Variants in RBBP9 observed in about 807,000 individuals in gnomAD.
The protein encoded by RBBP9 is serine hydrolase RBBP9.
RBBP9 carries 20 observed loss-of-function variants against 24.2 expected under a neutral mutation model. The observed-to-expected ratio is 0.83, with a 90% confidence interval of 0.58 to 1.20. The LOEUF (loss-of-function observed/expected upper bound fraction) is 1.20, where lower values mean the gene tolerates loss of function less well. Ranked by LOEUF, RBBP9 falls within the 50% of genes most tolerant of loss-of-function variation. The pLI, the probability that RBBP9 is intolerant of heterozygous loss-of-function variation, is 0.00. For synonymous variants in RBBP9, 74 were observed against 84.6 expected, an observed-to-expected ratio of 0.87 and a Z score of 0.69; for missense variants, 234 against 233.6, an observed-to-expected ratio of 1.00 and a Z score of -0.01.
In RBBP9 at chr20:18,489,609, G is replaced by A. The variant is rs147510546; in HGVS notation, c.*155C>T. ...GTTTTAGAGTCTATGGAAAATGGAAGTGCTATTTGTAACTTAGATTGAATG... is the reference window on the plus strand; with the variant it reads ...GTTTTAGAGTCTATGGAAAATGGAAATGCTATTTGTAACTTAGATTGAATG... On this transcript the variant is annotated 3_prime_UTR_variant, in exon 5 of 5. Transcript: ENST00000337227. The A allele has an allele frequency of 1.9e-3, 1,122 of 583,262 alleles. 14 individuals are homozygous for A. The Admixed American group carries it at 0.025, about 13-fold the overall frequency. 36.1% of individuals were successfully genotyped at this position (583,262 alleles called of 1,614,324 possible). A position where few individuals can be genotyped will look rare whatever the true frequency, so the allele number is the denominator to read the frequency against.
chr20:18,486,859 C>G lies in RBBP9; in HGVS notation c.*2905G>C, dbSNP rs142018116. ...AGAATCAAACAGAAATCAGAAATGA[C>G]AGTCCATGGCTCTATGGTTTTTAAT... On this transcript the variant is annotated 3_prime_UTR_variant, in exon 5 of 5. Transcript: ENST00000337227. 1 of 152,146 alleles carries G rather than the reference C, an allele frequency of 6.6e-6. No individual in the cohort carries two copies. The highest frequency in any genetic ancestry group is 1.9e-4 in the East Asian group (1 of 5,204). 9.4% of individuals were successfully genotyped at this position (152,146 alleles called of 1,614,324 possible). A position where few individuals can be genotyped will look rare whatever the true frequency, so the allele number is the denominator to read the frequency against.
rs552767796 is a variant in RBBP9, at chr20:18,490,080, C to T, written c.335-90G>A. 211 of 896,442 alleles carry T rather than the reference C, an allele frequency of 2.4e-4. 1 individual carries two copies. The South Asian group carries it at 2.9e-3, about 13-fold the overall frequency. The allele number at this position is 896,442 out of a possible 1,614,324, so 55.5% of individuals were successfully genotyped here. A position where few individuals can be genotyped will look rare whatever the true frequency, so the allele number is the denominator to read the frequency against. ...TACCTACTGGCGACCCACATAGAGA[C>T]GCAAAGGAGCAGAGCCTCCGTGTGA... is the stretch of plus-strand genomic sequence containing the variant. On this transcript the variant is annotated intron_variant, in intron 4 of 4. Transcript: ENST00000337227.
chr20:18,494,164 A>C, intron 2 of RBBP9, 101 bp from the exon 3 acceptor site: 1 of 835,198 alleles, frequency 1.2e-6, no homozygotes. Context: ...GCAGTTCACA[A>C]CTTTTAAAAC....
Position 18,494,060 on chromosome 20 carries a change from G to A in RBBP9, c.146C>T (p.Thr49Ile), listed in dbSNP as rs376756380. 1.9e-6 allele frequency: 3 copies of A among 1,612,446 alleles called. No individual in the cohort carries two copies. The highest frequency in any genetic ancestry group is 2.5e-6 in the Non-Finnish European group (3 of 1,178,970). Residue 49 changes from threonine to isoleucine, a missense_variant, in exon 3 of 5, where the codon ACA (threonine) becomes ATA (isoleucine). By Grantham distance (89) the Thr-to-Ile change is moderately conservative. Coordinates refer to ENST00000337227, the MANE Select transcript of RBBP9 (RefSeq NM_006606.3). ...GGGCAGCCAGATGCTCTCTCGTGCT[G>A]TAACTTAAGGTTCAGGGTAAAGAAA... ...CLAKNMPDPI[T>I]ARESIWLPFM...
chr20:18,488,673 GA>G lies in RBBP9; in HGVS notation c.*1090del. 1 of 152,346 alleles carries G rather than the reference GA, an allele frequency of 6.6e-6. No individual in the cohort carries two copies. The highest frequency in any genetic ancestry group is 1.9e-4 in the East Asian group (1 of 5,192). 9.4% of individuals were successfully genotyped at this position (152,346 alleles called of 1,614,324 possible). A position where few individuals can be genotyped will look rare whatever the true frequency, so the allele number is the denominator to read the frequency against. ...GGTTTAACTCTATAGAACAGAACAC[GA>G]AGTATGGAAAGGTTCTTTTTAAAAA... On this transcript the variant is annotated 3_prime_UTR_variant, in exon 5 of 5. Coordinates refer to ENST00000337227, the MANE Select transcript of RBBP9 (RefSeq NM_006606.3).
intron 1 of RBBP9, among the ~76,000 whole-genome samples, chr20:18,496,481 AG>A (rs1180891351): frequency 6.6e-6 from 1 of 152,246 alleles, no homozygotes; most frequent in Admixed American, 6.5e-5. Context: ...CAAATAGAAC[AG>A]TCTGTTGTTT....
At chr20:18,494,829 G>A (rs1252171128) in intron 2 of RBBP9, among the ~76,000 whole-genome samples, 1 of 152,202 alleles carries the variant, frequency 6.6e-6, no homozygotes, top group Non-Finnish European at 1.5e-5. Flanking sequence ...TCAAATAGAT[G>A]CTGTAAAGTT....
chr20:18,493,864 C>A, intron 3 of RBBP9, 94 bp downstream of exon 3: 1 of 978,812 alleles, frequency 1.0e-6, no homozygotes, highest in Non-Finnish European at 1.5e-6. Context: ...GCACTGTTTC[C>A]TCTGCAACAG....
At chr20:18,493,935 T>G in intron 3 of RBBP9, 23 bp downstream of exon 3, 2 of 1,557,398 alleles carry the variant, frequency 1.3e-6, no homozygotes, top group Non-Finnish European at 1.8e-6. Context: ...ACAAAGGGGA[T>G]AGCAGTTTAA....
Position 18,487,437 on chromosome 20 carries a change from ATAAG to A in RBBP9, c.*2323_*2326del, listed in dbSNP as rs2059848422. The A allele has an allele frequency of 1.3e-5, 2 of 152,266 alleles. No homozygotes were observed. The highest frequency in any genetic ancestry group is 4.8e-5 in the African/African-American group (2 of 41,482). The allele number at this position is 152,266 out of a possible 1,614,324, so 9.4% of individuals were successfully genotyped here. On this transcript the variant is annotated 3_prime_UTR_variant, in exon 5 of 5. Coordinates refer to ENST00000337227, the MANE Select transcript of RBBP9 (RefSeq NM_006606.3). ...GACTTCACAGAGAACAAGGCAAAGA[ATAAG>A]TAATACAACAGCAAATTTCCAAAAA...
rs1333411020 is a variant in RBBP9, at chr20:18,486,971, A to G, written c.*2793T>C. ...CTATGATGTTGGTGGTGATCAGCTA[A>G]GCAAACTAGCCAAACAGAAGTAATT... On this transcript the variant is annotated 3_prime_UTR_variant, in exon 5 of 5. Coordinates refer to ENST00000337227, the MANE Select transcript of RBBP9 (RefSeq NM_006606.3). 4 of 152,240 alleles carry G rather than the reference A, an allele frequency of 2.6e-5. No individual in the cohort carries two copies. Among genetic ancestry groups the G allele is most frequent in the African/African-American group, 9.6e-5 (4 of 41,460 alleles). 9.4% of individuals were successfully genotyped at this position (152,240 alleles called of 1,614,324 possible). A position where few individuals can be genotyped will look rare whatever the true frequency, so the allele number is the denominator to read the frequency against.
At chr20:18,496,596 T>C (rs530215798) in intron 1 of RBBP9, among the ~76,000 whole-genome samples, 1 of 152,292 alleles carries the variant, frequency 6.6e-6, no homozygotes, top group South Asian at 2.1e-4. Context: ...ATAAGGGTCG[T>C]TTGGAAGATG....
chr20:18,497,007 G>C, intron 1 of RBBP9, 62 bp downstream of exon 1: 4 of 1,416,470 alleles, frequency 2.8e-6, no homozygotes, highest in Non-Finnish European at 4.0e-6. Flanking sequence ...TCAGCCCTCA[G>C]TCCTCTCCCG....
chr20:18,489,599 GA>G lies in RBBP9; in HGVS notation c.*164del, dbSNP rs1387117253. The stretch of plus-strand genomic sequence containing the variant: ...AATTTGGGGAGTTTTAGAGTCTATG[GA>G]AAATGGAAGTGCTATTTGTAACTTA... On this transcript the variant is annotated 3_prime_UTR_variant, in exon 5 of 5. Coordinates refer to ENST00000337227, the MANE Select transcript of RBBP9 (RefSeq NM_006606.3). 8 of 574,862 alleles carry G rather than the reference GA, an allele frequency of 1.4e-5. No individual in the cohort carries two copies. Among genetic ancestry groups the G allele is most frequent in the Admixed American group, 3.0e-5 (1 of 32,804 alleles). 35.6% of individuals were successfully genotyped at this position (574,862 alleles called of 1,614,324 possible).
Position 18,489,817 on chromosome 20 carries a change from C to A in RBBP9, c.508G>T (p.Glu170Ter). The A allele has an allele frequency of 1.2e-6, 2 of 1,613,952 alleles. No individual in the cohort carries two copies. The highest frequency in any genetic ancestry group is 1.7e-6 in the Non-Finnish European group (2 of 1,179,862). Residue 170 changes from glutamate to a stop codon, truncating the protein, a stop_gained, in exon 5 of 5, where the codon GAG becomes TAG. Transcript: ENST00000337227. LOFTEE classifies it high-confidence loss of function. Reference sequence around the variant, plus strand: ...ACAACAGTAATCAGTTCATGAAACTCTGTGTTCTGAAAGTGGCCACAGTCA... The same window carrying A: ...ACAACAGTAATCAGTTCATGAAACTATGTGTTCTGAAAGTGGCCACAGTCA... ...FTDCGHFQNT[E>*]FHELITVVKS...
chr20:18,495,603 AT>A (rs2059883493), intron 2 of RBBP9, among the ~76,000 whole-genome samples: 1 of 149,162 alleles, frequency 6.7e-6, no homozygotes, highest in Admixed American at 6.7e-5. Context: ...AAATAAATAA[AT>A]AAATAAATAA....
In RBBP9 at chr20:18,497,186, G is replaced by C; in HGVS notation, c.-19C>G. 6.3e-7 allele frequency: 1 copy of C among 1,595,910 alleles called. No homozygotes were observed. The highest frequency in any genetic ancestry group is 1.1e-5 in the South Asian group (1 of 90,482). On this transcript the variant is annotated 5_prime_UTR_variant, in exon 1 of 5. Transcript: ENST00000337227. ...AAGCCATGAGTGCAGCGAGGCCAGA[G>C]TTCCCCAGCGCGGGTCCAGCGGAGC... is the stretch of plus-strand genomic sequence containing the variant.
intron 2 of RBBP9, among the ~76,000 whole-genome samples, chr20:18,495,387 C>T (rs1381034500): frequency 1.3e-5 from 2 of 148,396 alleles, no homozygotes; most frequent in African/African-American, 2.5e-5. Context: ...TGCTTGAAGG[C>T]AGCATGCTCG....
chr20:18,489,906 A>C lies in RBBP9; in HGVS notation c.419T>G (p.Phe140Cys). Reference sequence around the variant, plus strand: ...TTCTTGTTGTTCCTTCCAGGGAAGGAACGGGTCGTCAGTAGAGCCAAACTG... The same window carrying C: ...TTCTTGTTGTTCCTTCCAGGGAAGGCACGGGTCGTCAGTAGAGCCAAACTG... Reference protein sequence around the residue: ...IVQFGSTDDPFLPWKEQQEVA... With the variant: ...IVQFGSTDDPCLPWKEQQEVA... The change falls in exon 5 of 5, where the codon TTC (phenylalanine) becomes TGC (cysteine). Residue 140 changes from phenylalanine (F) to cysteine (C), a missense_variant. Phe to Cys is a radical substitution (Grantham distance 205). Coordinates refer to ENST00000337227, the MANE Select transcript of RBBP9 (RefSeq NM_006606.3). 6.2e-7 allele frequency: 1 copy of C among 1,614,006 alleles called. No homozygotes were observed. Among genetic ancestry groups the C allele is most frequent in the Non-Finnish European group, 8.5e-7 (1 of 1,179,964 alleles).
Sources: allele counts gnomAD v4.1 joint callset (sites outside exome capture counted in the v4.1 genomes callset), GRCh38; gene constraint gnomAD v4.1.1; transcripts MANE v1.5; gene names NCBI Gene and HGNC (gene_info 2026-07-23, HGNC 2026-07-21).